The following TRIM58 variants were observed in gnomAD, a reference collection of about 807,000 sequenced individuals.
TRIM58 encodes tripartite motif containing 58.
TRIM58 carries 38 observed loss-of-function variants against 34.1 expected under a neutral mutation model. The ratio of observed to expected loss-of-function variants is 1.12; its 90% CI spans 0.86 to 1.46. The LOEUF (loss-of-function observed/expected upper bound fraction) is 1.46, where lower values mean the gene tolerates loss of function less well. Among genes scored for constraint, TRIM58 ranks in the 40% most tolerant of loss-of-function variants. The probability of loss-of-function intolerance (pLI) is 0.00; values close to 1 mark genes in which losing one functional copy is unlikely to be tolerated. For missense variants in TRIM58, 677 were observed against 642.0 expected, an observed-to-expected ratio of 1.05 and a Z score of -0.59; for synonymous variants, 273 against 275.7, an observed-to-expected ratio of 0.99 and a Z score of 0.10.
At chr1:247,857,756 C>G in intron 1 of TRIM58, 90 bp downstream of exon 1, 1 of 1,193,524 alleles carries the variant, frequency 8.4e-7, no homozygotes, top group Non-Finnish European at 1.0e-6. Flanking sequence ...CCACCCGTCT[C>G]CTGAGCGGCT....
chr1:247,858,062 T>C (rs946820759), intron 1 of TRIM58, among the ~76,000 whole-genome samples: 1 of 152,212 alleles, frequency 6.6e-6, no homozygotes, highest in Admixed American at 6.5e-5. Flanking sequence ...TTCTCATTTG[T>C]GCAATGCTTT....
At position 247,857,497 on chromosome 1, in the gene TRIM58, G is replaced by T; in HGVS notation, c.251G>T (p.Arg84Leu). ...GCGGGCCTGGTGGAGAGCGTGCGGCGGCTGGGGTTGGGCGCGGGGCCCGGG... is the reference window on the plus strand; with the variant it reads ...GCGGGCCTGGTGGAGAGCGTGCGGCTGCTGGGGTTGGGCGCGGGGCCCGGG... ...QLAGLVESVRRLGLGAGPGAR... is the reference protein window; with the variant it reads ...QLAGLVESVRLLGLGAGPGAR... Residue 84 changes from arginine (R) to leucine (L), a missense_variant, in exon 1 of 6, where the codon CGG becomes CTG. Physicochemically the swap from Arg to Leu is moderately radical, Grantham distance 102. Coordinates refer to ENST00000366481, the MANE Select transcript of TRIM58 (RefSeq NM_015431.4). The T allele has an allele frequency of 7.7e-7, 1 of 1,303,758 alleles. No individual in the cohort carries two copies. Among genetic ancestry groups the T allele is most frequent in the Non-Finnish European group, 9.7e-7 (1 of 1,027,736 alleles). The allele number at this position is 1,303,758 out of a possible 1,614,324, so 80.8% of individuals were successfully genotyped here.
At chr1:247,868,865 C>T (rs1458790685) in intron 5 of TRIM58, among the ~76,000 whole-genome samples, 4 of 152,088 alleles carry the variant, frequency 2.6e-5, no homozygotes, top group Admixed American at 6.6e-5. Context: ...TTGGAACCTC[C>T]GTGTGTTCAG....
intron 1 of TRIM58, among the ~76,000 whole-genome samples, chr1:247,859,323 C>T (rs1410697382): frequency 6.6e-6 from 1 of 152,116 alleles, no homozygotes; most frequent in Non-Finnish European, 1.5e-5. Flanking sequence ...TGTCAAAGTG[C>T]TCCGTTCTTT....
rs1396417090 is a variant in TRIM58 at position 247,868,082 on chromosome 1, C to T, written c.871+19C>T. On this transcript the variant is annotated intron_variant, in intron 5 of 5. Transcript: ENST00000366481. ...TTCCAAGGTAGTTGCATCTTAGAGA[C>T]TGGGAATTAGGCTGCCTGGGGTTTG... 1.9e-6 allele frequency: 3 copies of T among 1,581,624 alleles called. No individual in the cohort carries two copies. The highest frequency in any genetic ancestry group is 1.3e-5 in the African/African-American group (1 of 74,504).
intron 5 of TRIM58, among the ~76,000 whole-genome samples, chr1:247,869,622 A>T (rs1439251546): frequency 6.6e-6 from 1 of 152,238 alleles, no homozygotes; most frequent in African/African-American, 2.4e-5. Context: ...CGTACTTCAC[A>T]GTATCATAGG....
rs566348638 is a variant in TRIM58 at position 247,857,644 on chromosome 1, A to T, written c.398A>T (p.Gln133Leu). The T allele has an allele frequency of 1.3e-4, 165 of 1,235,158 alleles. No homozygotes were observed. In the African/African-American group the frequency reaches 2.5e-3, roughly 19 times the overall value. The allele number at this position is 1,235,158 out of a possible 1,614,324, so 76.5% of individuals were successfully genotyped here. A position where few individuals can be genotyped will look rare whatever the true frequency, so the allele number is the denominator to read the frequency against. Residue 133 changes from glutamine to leucine, a missense_variant, in exon 1 of 6, where the codon CAG (glutamine) becomes CTG (leucine). Gln to Leu is a moderately radical substitution (Grantham distance 113, BLOSUM62 -2). Coordinates refer to ENST00000366481, the MANE Select transcript of TRIM58 (RefSeq NM_015431.4). Reference sequence around the variant, plus strand: ...AGGACGCACCGCACGGCGCCGCTGCAGGAGGCCGCCGGCAGCTACCAGGTG... The same window carrying T: ...AGGACGCACCGCACGGCGCCGCTGCTGGAGGCCGCCGGCAGCTACCAGGTG... ...EHRTHRTAPLQEAAGSYQVKL... is the reference protein window; with the variant it reads ...EHRTHRTAPLLEAAGSYQVKL...
chr1:247,875,444 CTTGAGTCCAGGAG>C (rs906785188), intron 5 of TRIM58, among the ~76,000 whole-genome samples: 1 of 152,032 alleles, frequency 6.6e-6, no homozygotes, highest in Non-Finnish European at 1.5e-5. Context: ...GGGAGGATTG[CTTGAGTCCAGGAG>C]TTTGAGGCTG....
intron 2 of TRIM58, among the ~76,000 whole-genome samples, chr1:247,861,658 T>C (rs1663795810): frequency 6.6e-6 from 1 of 152,122 alleles, no homozygotes; most frequent in South Asian, 2.1e-4. Flanking sequence ...TCACTCTATA[T>C]ATTTATAATT....
intron 3 of TRIM58, among the ~76,000 whole-genome samples, chr1:247,866,627 G>T (rs920333622): frequency 2.6e-5 from 4 of 152,114 alleles, no homozygotes; most frequent in African/African-American, 9.7e-5. Flanking sequence ...TAAAAGGGCA[G>T]GATCTCACTC....
intron 1 of TRIM58, among the ~76,000 whole-genome samples, chr1:247,858,053 T>C (rs916551939): frequency 6.6e-6 from 1 of 152,184 alleles, no homozygotes; most frequent in African/African-American, 2.4e-5. Flanking sequence ...CCATAATAAT[T>C]CTCATTTGTG....
intron 2 of TRIM58, among the ~76,000 whole-genome samples, chr1:247,863,288 C>G (rs895572495): frequency 6.6e-6 from 1 of 152,090 alleles, no homozygotes; most frequent in African/African-American, 2.4e-5. Context: ...GCCTGTAATC[C>G]CAGCACTTTG....
rs1432462452 is a variant in TRIM58 at position 247,876,295 on chromosome 1, T to A, written c.1267T>A (p.Ser423Thr). 1 of 1,614,200 alleles carries A rather than the reference T, an allele frequency of 6.2e-7. No individual in the cohort carries two copies. Residue 423 changes from serine to threonine, a missense_variant, in exon 6 of 6, where the codon TCA becomes ACA. Coordinates refer to ENST00000366481, the MANE Select transcript of TRIM58 (RefSeq NM_015431.4). ...CTTGGACTATGAAGCCGGTGAAATT[T>A]CATTCTACAATGTCACAGATGGATC... Reference protein sequence around the residue: ...IFLDYEAGEISFYNVTDGSYI... With the variant: ...IFLDYEAGEITFYNVTDGSYI...
chr1:247,875,735 T>C (rs1231678596), intron 5 of TRIM58, among the ~76,000 whole-genome samples, 165 bp from the exon 6 acceptor site: 1 of 152,028 alleles, frequency 6.6e-6, no homozygotes. Context: ...AATAATAAAG[T>C]AATAAAGAAG....
chr1:247,872,237 G>A (rs1228519659), intron 5 of TRIM58, among the ~76,000 whole-genome samples: 3 of 152,230 alleles, frequency 2.0e-5, no homozygotes, highest in Non-Finnish European at 4.4e-5. Flanking sequence ...ATGCTTTCTT[G>A]TAAGTAAATT....
chr1:247,870,924 T>G (rs76791112), intron 5 of TRIM58, among the ~76,000 whole-genome samples: 2 of 80,602 alleles, frequency 2.5e-5, no homozygotes, highest in African/African-American at 6.3e-5. Context: ...CGGCCACCCA[T>G]AGAGCCTGCA....
intron 1 of TRIM58, among the ~76,000 whole-genome samples, chr1:247,859,235 GTTT>G (rs937351869): frequency 6.6e-6 from 1 of 152,058 alleles, no homozygotes; most frequent in African/African-American, 2.4e-5. Flanking sequence ...CCGAATCACT[GTTT>G]TCCTAACTGT....
chr1:247,873,740 G>A (rs1231506332), intron 5 of TRIM58, among the ~76,000 whole-genome samples: 4 of 152,310 alleles, frequency 2.6e-5, no homozygotes, highest in East Asian at 3.9e-4. Context: ...GGCTGAGGCG[G>A]ATGGATTGCT....
At position 247,864,784 on chromosome 1, in the gene TRIM58, G is replaced by A. The variant is rs747749228; in HGVS notation, c.596G>A (p.Arg199Gln). ...HRGFLAQEEQRQLRRLEAEER... is the reference protein window; with the variant it reads ...HRGFLAQEEQQQLRRLEAEER... ...GGCTTTCTGGCCCAGGAGGAGCAACGGCAGCTGAGGCGGCTGGAGGCGGAG... is the reference window on the plus strand; with the variant it reads ...GGCTTTCTGGCCCAGGAGGAGCAACAGCAGCTGAGGCGGCTGGAGGCGGAG... Residue 199 changes from arginine (R) to glutamine (Q), a missense_variant, in exon 3 of 6, where the codon CGG becomes CAG. Arg to Gln is a conservative substitution (Grantham distance 43, BLOSUM62 1). Transcript: ENST00000366481. The A allele has an allele frequency of 3.1e-6, 5 of 1,614,046 alleles. No homozygotes were observed. The highest frequency in any genetic ancestry group is 2.7e-5 in the African/African-American group (2 of 74,936).
Sources: gnomAD v4.1 joint callset for allele counts (sites outside exome capture counted in the v4.1 genomes callset) on GRCh38, gnomAD v4.1.1 for gene constraint, MANE v1.5 for transcripts, NCBI Gene and HGNC (gene_info 2026-07-23, HGNC 2026-07-21) for gene names.